ABL1: variants seen among roughly 807,000 people sequenced by gnomAD.
ABL1 encodes the protein tyrosine-protein kinase ABL1.
ABL1 carries 11 observed loss-of-function variants against 94.7 expected under a neutral mutation model. The ratio of observed to expected loss-of-function variants is 0.12; its 90% confidence interval spans 0.07 to 0.19. The LOEUF (loss-of-function observed/expected upper bound fraction) is 0.19, where lower values mean the gene tolerates loss of function less well. Ranked by LOEUF, ABL1 falls within the 10% of genes least tolerant of loss-of-function variation. The probability of loss-of-function intolerance (pLI) is 1.00; values close to 1 mark genes in which losing one functional copy is unlikely to be tolerated. For synonymous variants in ABL1, 656 were observed against 622.4 expected (o/e 1.05, Z -0.80); for missense variants, 1,082 against 1,489.4 (o/e 0.73, Z 4.50).
rs749110430 is a variant in ABL1, at chr9:130,884,116, A to C, written c.1826A>C (p.Lys609Thr). ...LFSALIKKKKKTAPTPPKRSS... is the reference protein window; with the variant it reads ...LFSALIKKKKTTAPTPPKRSS... ...AGCGCCTTGATCAAGAAGAAGAAGA[A>C]GACAGCCCCAACCCCTCCCAAACGC... is the stretch of plus-strand genomic sequence containing the variant. The change falls in exon 11 of 11, where the codon AAG becomes ACG. Residue 609 changes from lysine (K) to threonine (T), a missense_variant. By Grantham distance (78) the Lys-to-Thr change is moderately conservative. This residue lies in a region of ABL1 where 780 missense variants were observed against 835.8 expected (regional missense o/e 0.93). Transcript: ENST00000318560. This position sits in a 1 kb window ranked among gnomAD's most constrained non-coding sequence, Gnocchi z 5.6. 5.6e-6 allele frequency: 9 copies of C among 1,613,664 alleles called. No homozygotes were observed. Among genetic ancestry groups the C allele is most frequent in the Admixed American group, 1.7e-5 (1 of 60,014 alleles).
At chr9:130,837,904 G>C (rs749052885) in intron 1 of ABL1, among the ~76,000 whole-genome samples, 1 of 152,194 alleles carries the variant, frequency 6.6e-6, no homozygotes, top group Non-Finnish European at 1.5e-5. Flanking sequence ...CTGTCAGGGA[G>C]AGAATTGAAT....
At chr9:130,755,604 C>T (rs1483428150) in intron 1 of ABL1, among the ~76,000 whole-genome samples, 5 of 152,182 alleles carry the variant, frequency 3.3e-5, no homozygotes, top group Admixed American at 3.3e-4. Context: ...GCAAGACGTG[C>T]CCCCTCACAT....
In ABL1 at chr9:130,812,302, A is replaced by G. The variant is rs969912212; in HGVS notation, c.137-41762A>G. Among the ~76,000 whole-genome samples the G allele has an allele frequency of 1.8e-4, 27 of 151,892 alleles. 1 individual carries two copies. The highest frequency in any genetic ancestry group is 5.9e-5 in the Non-Finnish European group (4 of 67,988). On this transcript the variant is annotated intron_variant, in intron 1 of 10. Coordinates refer to the ABL1 transcript ENST00000372348. ...CTTGAGCCCAGGAGTTTGAGGCTAC[A>G]GTGAGCTCTGATCACACCACTGCAC...
chr9:130,749,898 G>A (rs1302155478), intron 1 of ABL1, among the ~76,000 whole-genome samples: 2 of 152,058 alleles, frequency 1.3e-5, no homozygotes, highest in Non-Finnish European at 2.9e-5. Flanking sequence ...CCAAGGCCGG[G>A]CACAGTGGCT....
In ABL1 at chr9:130,884,984, C is replaced by T. The variant is rs1264183339; in HGVS notation, c.2694C>T (p.Ala898=). 1.2e-6 allele frequency: 2 copies of T among 1,610,978 alleles called. No individual in the cohort carries two copies. Among genetic ancestry groups the T allele is most frequent in the Admixed American group, 1.7e-5 (1 of 59,802 alleles). ...GGAAATTGTCCAGGCTCAAACCTGC[C>T]CCGCCGCCCCCACCAGCAGCCTCTG... ...DKGKLSRLKP[A]PPPPPAASAG... The change falls in exon 11 of 11, where the codon GCC becomes GCT. Residue 898 remains alanine, a synonymous_variant. Transcript: ENST00000318560. This position sits in a 1 kb window ranked among gnomAD's most constrained non-coding sequence, Gnocchi z 5.6.
intron 1 of ABL1, among the ~76,000 whole-genome samples, chr9:130,819,001 T>C (rs1299798524): frequency 2.6e-5 from 4 of 152,210 alleles, no homozygotes; most frequent in African/African-American, 9.6e-5. Flanking sequence ...TCTTTCAGTG[T>C]CTGATTCTCC....
At chr9:130,813,946 GAAATTAGAA>G (rs1830247141) in intron 1 of ABL1, among the ~76,000 whole-genome samples, 1 of 152,140 alleles carries the variant, frequency 6.6e-6, no homozygotes, top group Non-Finnish European at 1.5e-5. Context: ...CCCACTTTTA[GAAATTAGAA>G]AAAATGAAGA....
chr9:130,740,512 T>C (rs979482434), intron 1 of ABL1, among the ~76,000 whole-genome samples: 3 of 152,244 alleles, frequency 2.0e-5, no homozygotes, highest in Admixed American at 2.0e-4. Flanking sequence ...CTTGGCTCCA[T>C]TTTTCCATCG....
chr9:130,723,029 A>G (rs1049252719), intron 1 of ABL1, among the ~76,000 whole-genome samples: 4 of 152,220 alleles, frequency 2.6e-5, no homozygotes, highest in African/African-American at 9.6e-5. Context: ...ATGTGTTAAC[A>G]TGATTTAGCT....
At chr9:130,730,119 C>T (rs535999400) in intron 1 of ABL1, among the ~76,000 whole-genome samples, 11 of 147,202 alleles carry the variant, frequency 7.5e-5, no homozygotes, top group Admixed American at 4.2e-4. Flanking sequence ...TCTTAGCTGA[C>T]CGCTACCTCC....
intron 4 of ABL1, among the ~76,000 whole-genome samples, chr9:130,871,028 A>G (rs1831242678): frequency 6.6e-6 from 1 of 152,222 alleles, no homozygotes; most frequent in Admixed American, 6.5e-5. Flanking sequence ...TACGTTTAAT[A>G]GAAAGTTGAT....
intron 1 of ABL1, among the ~76,000 whole-genome samples, chr9:130,747,594 G>A (rs377476646): frequency 1.2e-3 from 178 of 152,106 alleles, no homozygotes; most frequent in African/African-American, 4.0e-3. Context: ...TTGTATTTTT[G>A]TAGAGACATG....
chr9:130,836,824 C>CAA lies in ABL1; in HGVS notation c.79+1320_79+1321dup, dbSNP rs565723193. ...TGGGCGACACAGCAAGACTCGGTCTCAAAAAAAAAAAAAAAAAAAAAAGAG... is the reference window on the plus strand; with the variant it reads ...TGGGCGACACAGCAAGACTCGGTCTCAAAAAAAAAAAAAAAAAAAAAAAAGAG... On this transcript the variant is annotated intron_variant, in intron 1 of 10. Coordinates refer to ENST00000318560, the MANE Select transcript of ABL1 (RefSeq NM_005157.6). Among the ~76,000 whole-genome samples, 284 of 74,924 alleles carry CAA rather than the reference C, an allele frequency of 3.8e-3. 2 individuals carry two copies. The highest frequency in any genetic ancestry group is 0.021 in the Middle Eastern group (3 of 140). 49.2% of individuals were successfully genotyped at this position (74,924 alleles called of 152,430 possible). A position where few individuals can be genotyped will look rare whatever the true frequency, so the allele number is the denominator to read the frequency against.
rs35266696 is a variant in ABL1 at position 130,884,988 on chromosome 9, C to T, written c.2698C>T (p.Pro900Ser). The T allele has an allele frequency of 6.8e-6, 11 of 1,611,072 alleles. No individual in the cohort carries two copies. In the African/African-American group the frequency reaches 1.3e-4, roughly 20 times the overall value. Residue 900 changes from proline (P) to serine (S), a missense_variant, in exon 11 of 11, where the codon CCG becomes TCG. By Grantham distance (74) the Pro-to-Ser change is moderately conservative (BLOSUM62 -1). This residue lies in a region of ABL1 where 780 missense variants were observed against 835.8 expected (regional missense o/e 0.93). Coordinates refer to ENST00000318560, the MANE Select transcript of ABL1 (RefSeq NM_005157.6). The surrounding 1 kb of genome is among the most constrained non-coding windows in gnomAD (Gnocchi z 5.6). ...ATTGTCCAGGCTCAAACCTGCCCCG[C>T]CGCCCCCACCAGCAGCCTCTGCAGG... ...GKLSRLKPAP[P>S]PPPAASAGKA...
intron 1 of ABL1, among the ~76,000 whole-genome samples, chr9:130,749,945 G>A (rs1271671923): frequency 1.3e-5 from 2 of 151,764 alleles, no homozygotes; most frequent in Non-Finnish European, 2.9e-5. Context: ...AGGCTGAGGC[G>A]GGAGGATCAC....
chr9:130,808,234 TCTTCTTCTTC>T (rs1830155588), intron 1 of ABL1, among the ~76,000 whole-genome samples: 1 of 141,742 alleles, frequency 7.1e-6, no homozygotes, highest in African/African-American at 2.7e-5. Flanking sequence ...TTCTTCTTCT[TCTTCTTCTTC>T]TTCTTTTTTT....
chr9:130,809,417 A>AGT lies in ABL1; in HGVS notation c.137-44621_137-44620dup, dbSNP rs367661812. On this transcript the variant is annotated intron_variant, in intron 1 of 10. Coordinates refer to the ABL1 transcript ENST00000372348. ...GAGAGAGAGAGAGAGAGAGAGAGAGAGTGTGTGTGTGTGTGTGTGTGTGTG... is the reference window on the plus strand; with the variant it reads ...GAGAGAGAGAGAGAGAGAGAGAGAGAGTGTGTGTGTGTGTGTGTGTGTGTGTG... Among the ~76,000 whole-genome samples the AGT allele has an allele frequency of 3.7e-3, 316 of 84,398 alleles. 3 individuals carry two copies. Among genetic ancestry groups the AGT allele is most frequent in the African/African-American group, 9.8e-3 (273 of 27,934 alleles). The allele number at this position is 84,398 out of a possible 152,430, so 55.4% of individuals were successfully genotyped here. A position where few individuals can be genotyped will look rare whatever the true frequency, so the allele number is the denominator to read the frequency against.
At chr9:130,798,365 T>A (rs759681281) in intron 1 of ABL1, among the ~76,000 whole-genome samples, 1 of 152,296 alleles carries the variant, frequency 6.6e-6, no homozygotes, top group Non-Finnish European at 1.5e-5. Flanking sequence ...CCATACTAAT[T>A]GTGGGACTTA....
rs998558679 is a variant in ABL1 at position 130,761,949 on chromosome 9, C to T, written c.136+47494C>T. 2.0e-5 allele frequency among the ~76,000 whole-genome samples: 3 copies of T among 152,000 alleles called. 1 individual carries two copies. Among genetic ancestry groups the T allele is most frequent in the African/African-American group, 7.3e-5 (3 of 41,376 alleles). Reference sequence around the variant, plus strand: ...CCTGAGGTCGGGAGTTAGAGACCAGCCTGACGAACGTGGGGAAACCCCCGT... The same window carrying T: ...CCTGAGGTCGGGAGTTAGAGACCAGTCTGACGAACGTGGGGAAACCCCCGT... On this transcript the variant is annotated intron_variant, in intron 1 of 10. Transcript: ENST00000372348.
Sources: gnomAD v4.1 joint callset for allele counts (sites outside exome capture counted in the v4.1 genomes callset) on GRCh38, gnomAD v4.1.1 for gene constraint, gnomAD v4.1.1 regional missense constraint, Gnocchi (gnomAD v3.1) non-coding constraint, MANE v1.5 for transcripts, NCBI Gene and HGNC (gene_info 2026-07-23, HGNC 2026-07-21) for gene names.